The following TENM2 variants were observed in gnomAD, a reference collection of about 807,000 sequenced individuals.
TENM2 encodes the protein teneurin-2.
A neutral mutation model predicts 245.2 loss-of-function variants in TENM2; 52 were observed. The ratio of observed to expected loss-of-function variants is 0.21; its 90% CI spans 0.17 to 0.27. TENM2 has a LOEUF of 0.27. TENM2 is among the 10% of genes least tolerant of loss of function. The pLI is 1.00. For synonymous variants in TENM2, 1,363 were observed against 1,438.9 expected (o/e 0.95, Z 1.19); for missense variants, 3,046 against 3,666.8 (o/e 0.83, Z 4.37).
chr5:167,615,733 T>C (rs141761997), intron 2 of TENM2, among the ~76,000 whole-genome samples: 19 of 152,030 alleles, frequency 1.2e-4, no homozygotes, highest in African/African-American at 4.3e-4. Flanking sequence ...TGCTCCAGAG[T>C]CACTCATCAC....
At chr5:167,376,997 A>G (rs754871524) in intron 2 of TENM2, among the ~76,000 whole-genome samples, 2 of 152,172 alleles carry the variant, frequency 1.3e-5, no homozygotes, top group Non-Finnish European at 2.9e-5. Flanking sequence ...TCTTATACCT[A>G]TAGAGGGAAC....
At chr5:167,525,968 A>G (rs1771081395) in intron 2 of TENM2, among the ~76,000 whole-genome samples, 1 of 152,040 alleles carries the variant, frequency 6.6e-6, no homozygotes, top group African/African-American at 2.4e-5. Context: ...TCATCTCCCA[A>G]TTACCAGGAC....
the TENM2 span, among the ~76,000 whole-genome samples, chr5:167,131,060 G>A: frequency 2.6e-5 from 4 of 151,960 alleles, no homozygotes; most frequent in Admixed American, 2.6e-4. Context: ...TACTTTTATA[G>A]CCTGTCACCA....
At chr5:167,405,450 A>T (rs578068916) in intron 2 of TENM2, among the ~76,000 whole-genome samples, 55 of 152,198 alleles carry the variant, frequency 3.6e-4, no homozygotes, top group African/African-American at 1.3e-3. Flanking sequence ...CAATGTGAGG[A>T]TATAATAACT....
intron 2 of TENM2, among the ~76,000 whole-genome samples, chr5:167,710,508 C>T (rs556704396): frequency 2.0e-5 from 3 of 152,110 alleles, no homozygotes; most frequent in African/African-American, 7.2e-5. Context: ...CAGGAAGGAG[C>T]CAGATGAACG....
the TENM2 span, among the ~76,000 whole-genome samples, chr5:166,982,763 A>T: frequency 6.6e-6 from 1 of 151,412 alleles, no homozygotes; most frequent in Non-Finnish European, 1.5e-5. Flanking sequence ...TTCAGGGAAC[A>T]TTGCAAGACA....
the TENM2 span, among the ~76,000 whole-genome samples, chr5:167,141,292 A>AT: frequency 6.6e-6 from 1 of 152,194 alleles, no homozygotes; most frequent in African/African-American, 2.4e-5. Context: ...GGCCTAAACT[A>AT]TATTTGGAAG....
intron 2 of TENM2, among the ~76,000 whole-genome samples, chr5:167,774,589 T>A (rs2336972): frequency 0.59 from 89,101 of 152,012 alleles, 30,007 homozygotes; most frequent in Non-Finnish European, 0.77. Context: ...TAGATGAACA[T>A]CCATTTAATT....
At chr5:167,632,402 T>C (rs1341608656) in intron 2 of TENM2, among the ~76,000 whole-genome samples, 1 of 152,164 alleles carries the variant, frequency 6.6e-6, no homozygotes, top group Non-Finnish European at 1.5e-5. Context: ...CATATAAATA[T>C]AATAAAATGC....
intron 2 of TENM2, among the ~76,000 whole-genome samples, chr5:167,550,842 G>A (rs1284627813): frequency 6.6e-6 from 1 of 151,198 alleles, no homozygotes; most frequent in African/African-American, 2.4e-5. Context: ...CAGTTCTTCT[G>A]CCTCAGCCTC....
At chr5:167,804,215 A>C (rs1765984164) in intron 2 of TENM2, among the ~76,000 whole-genome samples, 1 of 152,094 alleles carries the variant, frequency 6.6e-6, no homozygotes, top group South Asian at 2.1e-4. Context: ...ACAGTCTCTT[A>C]GGCTAATAAT....
At chr5:168,125,750 G>GAA (rs113081119) in intron 11 of TENM2, among the ~76,000 whole-genome samples, 1 of 141,204 alleles carries the variant, frequency 7.1e-6, no homozygotes, top group Admixed American at 7.1e-5. Flanking sequence ...ATTCCAAAAA[G>GAA]AAAAAAAAAA....
the TENM2 span, among the ~76,000 whole-genome samples, chr5:167,219,342 C>T: frequency 7.0e-6 from 1 of 143,218 alleles, no homozygotes; most frequent in Non-Finnish European, 1.5e-5. Context: ...CAAAACAAAA[C>T]CAACCAAACA....
chr5:167,467,618 A>G (rs540860224), intron 2 of TENM2, among the ~76,000 whole-genome samples: 3 of 152,136 alleles, frequency 2.0e-5, no homozygotes, highest in African/African-American at 7.2e-5. Flanking sequence ...TCACGAACCC[A>G]GAGAAAGATA....
At chr5:167,264,213 C>A in the TENM2 span, among the ~76,000 whole-genome samples, 1 of 151,682 alleles carries the variant, frequency 6.6e-6, no homozygotes, top group Non-Finnish European at 1.5e-5. Flanking sequence ...AATTAAGACA[C>A]GGTTTTTCTA....
intron 2 of TENM2, among the ~76,000 whole-genome samples, chr5:167,423,580 G>A (rs532079164): frequency 2.0e-5 from 3 of 152,262 alleles, no homozygotes; most frequent in Admixed American, 1.3e-4. Context: ...TTCTTGATAC[G>A]TTATAAAGTA....
chr5:167,783,691 A>G (rs1764363887), intron 2 of TENM2, among the ~76,000 whole-genome samples: 1 of 152,110 alleles, frequency 6.6e-6, no homozygotes, highest in Non-Finnish European at 1.5e-5. Context: ...AAGCTTCCAA[A>G]TCATTGTGTT....
the TENM2 span, among the ~76,000 whole-genome samples, chr5:167,185,180 A>G: frequency 1.3e-5 from 2 of 152,064 alleles, no homozygotes; most frequent in Non-Finnish European, 2.9e-5. Flanking sequence ...CCCGACAAAT[A>G]CACCCTGATT....
chr5:167,335,638 TG>T (rs1474981275), intron 1 of TENM2, among the ~76,000 whole-genome samples: 1 of 152,090 alleles, frequency 6.6e-6, no homozygotes, highest in Non-Finnish European at 1.5e-5. Flanking sequence ...GTTTGAAAGA[TG>T]AGCCAACTAA....
Sources: gnomAD v4.1 joint callset for allele counts (sites outside exome capture counted in the v4.1 genomes callset) on GRCh38, gnomAD v4.1.1 for gene constraint, MANE v1.5 for transcripts, NCBI Gene and HGNC (gene_info 2026-07-23, HGNC 2026-07-21) for gene names.